The following LINGO2 variants were observed in gnomAD, a reference collection of about 807,000 sequenced individuals.
LINGO2 encodes leucine-rich repeat and immunoglobulin-like domain-containing nogo receptor-interacting protein 2.
A neutral mutation model predicts 30.6 loss-of-function variants in LINGO2; 14 were observed. The ratio of observed to expected loss-of-function variants is 0.46; its 90% CI spans 0.30 to 0.72. LINGO2 has a LOEUF of 0.72. Among genes scored for constraint, LINGO2 ranks in the 30% least tolerant of loss-of-function variants. The pLI, the probability that LINGO2 is intolerant of heterozygous loss-of-function variation, is 0.07. For synonymous variants in LINGO2, 317 were observed against 288.5 expected (o/e 1.10, Z -1.00); for missense variants, 729 against 751.7 (o/e 0.97, Z 0.35).
At chr9:28,558,072 A>T (rs1822838718) in intron 1 of LINGO2, among the ~76,000 whole-genome samples, 1 of 150,954 alleles carries the variant, frequency 6.6e-6, no homozygotes, top group Non-Finnish European at 1.5e-5. Context: ...GGTGCAGCAC[A>T]CCAGCATGGC....
At chr9:28,173,643 C>A (rs1828663954) in intron 4 of LINGO2, among the ~76,000 whole-genome samples, 1 of 152,170 alleles carries the variant, frequency 6.6e-6, no homozygotes, top group Admixed American at 6.5e-5. Flanking sequence ...GAGGCATGAG[C>A]CAGCATTACT....
the LINGO2 span, among the ~76,000 whole-genome samples, chr9:28,730,984 A>T: frequency 1.3e-5 from 2 of 151,518 alleles, no homozygotes; most frequent in African/African-American, 4.8e-5. Flanking sequence ...CAGAAACTGT[A>T]CTCCTGAGAA....
At chr9:29,110,585 G>T in the LINGO2 span, among the ~76,000 whole-genome samples, 2 of 151,116 alleles carry the variant, frequency 1.3e-5, no homozygotes, top group South Asian at 2.1e-4. Flanking sequence ...GCCCGCCTCG[G>T]GGCCTCCCAA....
chr9:27,986,509 G>A (rs977526297), intron 5 of LINGO2, among the ~76,000 whole-genome samples: 2 of 151,678 alleles, frequency 1.3e-5, no homozygotes, highest in African/African-American at 2.4e-5. Flanking sequence ...CTTTAGGAGT[G>A]GGACTTCCTA....
the LINGO2 span, among the ~76,000 whole-genome samples, chr9:28,886,369 A>T: frequency 6.6e-6 from 1 of 152,150 alleles, no homozygotes; most frequent in Non-Finnish European, 1.5e-5. Context: ...GGAAGGTCTA[A>T]AATGGTATAT....
At chr9:29,161,076 T>G in the LINGO2 span, among the ~76,000 whole-genome samples, 1 of 152,204 alleles carries the variant, frequency 6.6e-6, no homozygotes, top group African/African-American at 2.4e-5. Flanking sequence ...GGGCTCAACA[T>G]GCTCACACTC....
At chr9:28,793,468 AC>A in the LINGO2 span, among the ~76,000 whole-genome samples, 1 of 152,154 alleles carries the variant, frequency 6.6e-6, no homozygotes, top group African/African-American at 2.4e-5. Flanking sequence ...TTCCAAGAAA[AC>A]TTGAGACTTT....
intron 1 of LINGO2, among the ~76,000 whole-genome samples, chr9:28,660,448 T>C (rs1828543983): frequency 6.6e-6 from 1 of 152,084 alleles, no homozygotes; most frequent in Non-Finnish European, 1.5e-5. Context: ...TCAGCTAAAA[T>C]ACAAAATTCA....
chr9:28,632,687 TA>T (rs1563878402), intron 1 of LINGO2, among the ~76,000 whole-genome samples: 1 of 121,416 alleles, frequency 8.2e-6, no homozygotes, highest in African/African-American at 3.0e-5. Flanking sequence ...TATAAAAATA[TA>T]TTTATATAGA....
the LINGO2 span, among the ~76,000 whole-genome samples, chr9:28,870,030 A>T: frequency 6.6e-6 from 1 of 152,006 alleles, no homozygotes; most frequent in African/African-American, 2.4e-5. Flanking sequence ...TCAGAAAAAA[A>T]AAACCCATAA....
chr9:28,158,958 G>C (rs1828212693), intron 4 of LINGO2, among the ~76,000 whole-genome samples: 1 of 152,130 alleles, frequency 6.6e-6, no homozygotes. Flanking sequence ...CCTTTATTCT[G>C]TTTCAGAGCA....
intron 4 of LINGO2, among the ~76,000 whole-genome samples, chr9:28,166,602 AT>A (rs1458223549): frequency 6.6e-6 from 1 of 152,020 alleles, no homozygotes; most frequent in Non-Finnish European, 1.5e-5. Context: ...GCACAAAAAG[AT>A]TTTTTTAATT....
chr9:28,839,425 G>A, the LINGO2 span, among the ~76,000 whole-genome samples: 2 of 152,210 alleles, frequency 1.3e-5, no homozygotes, highest in African/African-American at 4.8e-5. Context: ...GTGGAAAGGA[G>A]ATCCAGAGTA....
chr9:28,826,274 G>T, the LINGO2 span, among the ~76,000 whole-genome samples: 1 of 152,108 alleles, frequency 6.6e-6, no homozygotes, highest in Admixed American at 6.5e-5. Flanking sequence ...GGCTGTTACA[G>T]TAAGAAATTC....
At chr9:29,048,067 C>T in the LINGO2 span, among the ~76,000 whole-genome samples, 29 of 151,988 alleles carry the variant, frequency 1.9e-4, no homozygotes, top group African/African-American at 3.6e-4. Flanking sequence ...GCTGAGATCA[C>T]GCCACTGCAC....
At chr9:28,501,456 C>T (rs373459317) in intron 1 of LINGO2, among the ~76,000 whole-genome samples, 2 of 152,054 alleles carry the variant, frequency 1.3e-5, no homozygotes, top group African/African-American at 2.4e-5. Context: ...TTAAATTAAT[C>T]CAACAAAGTC....
chr9:29,134,756 ACAC>A, the LINGO2 span, among the ~76,000 whole-genome samples: 1 of 152,100 alleles, frequency 6.6e-6, no homozygotes, highest in Non-Finnish European at 1.5e-5. Context: ...ATGGTTTATA[ACAC>A]TGAGGAATAT....
At chr9:28,322,438 T>TACACAC (rs61397051) in intron 3 of LINGO2, among the ~76,000 whole-genome samples, 131 of 150,574 alleles carry the variant, frequency 8.7e-4, no homozygotes, top group South Asian at 1.5e-3. Context: ...AGGCACTCAG[T>TACACAC]ACACACACAC....
chr9:28,349,173 A>G (rs1259504529), intron 3 of LINGO2, among the ~76,000 whole-genome samples: 1 of 152,250 alleles, frequency 6.6e-6, no homozygotes, highest in Non-Finnish European at 1.5e-5. Flanking sequence ...AGCTGAGAGA[A>G]GAAGGCTTCA....
Sources: gnomAD v4.1 joint callset for allele counts (sites outside exome capture counted in the v4.1 genomes callset) on GRCh38, gnomAD v4.1.1 for gene constraint, MANE v1.5 for transcripts, NCBI Gene and HGNC (gene_info 2026-07-23, HGNC 2026-07-21) for gene names.